The following NRDE2 variants were observed in gnomAD, a reference collection of about 807,000 sequenced individuals.
The protein encoded by NRDE2 is NRDE-2, necessary for RNA interference, domain containing, also known as nuclear exosome regulator NRDE2.
NRDE2 carries 76 observed loss-of-function variants against 124.2 expected under a neutral mutation model. The ratio of observed to expected loss-of-function variants is 0.61; its 90% CI spans 0.51 to 0.74. The LOEUF (loss-of-function observed/expected upper bound fraction) is 0.74. Ranked by LOEUF, NRDE2 falls within the 30% of genes least tolerant of loss-of-function variation. NRDE2 has a pLI of 0.00. For missense variants in NRDE2, 1,314 were observed against 1,417.3 expected (o/e 0.93, Z 1.17); for synonymous variants, 489 against 528.1 (o/e 0.93, Z 1.01).
chr14:90,278,112 T>C lies in NRDE2; in HGVS notation c.*224A>G, dbSNP rs1448231854. Reference sequence around the variant, plus strand: ...TGGCATGACTCTCTGGCTATGTACATATATACACATATTCACATATATAAT... The same window carrying C: ...TGGCATGACTCTCTGGCTATGTACACATATACACATATTCACATATATAAT... On this transcript the variant is annotated 3_prime_UTR_variant, in exon 14 of 14. Coordinates refer to ENST00000354366, the MANE Select transcript of NRDE2 (RefSeq NM_017970.4). The C allele has an allele frequency of 2.0e-6, 1 of 497,262 alleles. No homozygotes were observed. Among genetic ancestry groups the C allele is most frequent in the Non-Finnish European group, 3.7e-6 (1 of 272,994 alleles). 30.8% of individuals were successfully genotyped at this position (497,262 alleles called of 1,614,324 possible). A position where few individuals can be genotyped will look rare whatever the true frequency, so the allele number is the denominator to read the frequency against.
At chr14:90,295,302 G>A (rs761691690) in intron 8 of NRDE2, among the ~76,000 whole-genome samples, 12 of 151,970 alleles carry the variant, frequency 7.9e-5, no homozygotes, top group African/African-American at 2.2e-4. Context: ...ATATGTATAC[G>A]TAGTATAATA....
intron 1 of NRDE2, among the ~76,000 whole-genome samples, chr14:90,327,611 A>T (rs1885491126): frequency 6.6e-6 from 1 of 152,190 alleles, no homozygotes; most frequent in Admixed American, 6.5e-5. Context: ...TTAAAAATTC[A>T]TGACTTCATA....
At position 90,302,752 on chromosome 14, in the gene NRDE2, G is replaced by A; in HGVS notation, c.1379C>T (p.Pro460Leu). 2 of 1,613,418 alleles carry A rather than the reference G, an allele frequency of 1.2e-6. No individual in the cohort carries two copies. The highest frequency in any genetic ancestry group is 2.2e-5 in the South Asian group (2 of 91,002). The stretch of plus-strand genomic sequence containing the variant: ...GGCCTCTTCCGTGCCAGGCAACGCA[G>A]GGTGAGATAAGATGCTGCCGTCCTT... The part of the protein sequence containing the change: ...AVKDGSILSH[P>L]ALPGTEEAMF... The change falls in exon 6 of 14, where the codon CCT (proline) becomes CTT (leucine). Residue 460 changes from proline (P) to leucine (L), a missense_variant. By Grantham distance (98) the Pro-to-Leu change is moderately conservative. Coordinates refer to ENST00000354366, the MANE Select transcript of NRDE2 (RefSeq NM_017970.4).
rs1891644908 is a variant in NRDE2 at position 90,270,951 on chromosome 14, C to T, written c.*7385G>A. 1 of 152,234 alleles carries T rather than the reference C, an allele frequency of 6.6e-6. No homozygotes were observed. Among genetic ancestry groups the T allele is most frequent in the Non-Finnish European group, 1.5e-5 (1 of 68,048 alleles). 9.4% of individuals were successfully genotyped at this position (152,234 alleles called of 1,614,324 possible). A position where few individuals can be genotyped will look rare whatever the true frequency, so the allele number is the denominator to read the frequency against. ...CAGCACAAGCAGTGCCTTTCCAGGC[C>T]AGCACCTGCCCTGAGCCCACGGATC... On this transcript the variant is annotated 3_prime_UTR_variant, in exon 14 of 14. Transcript: ENST00000354366.
At chr14:90,308,955 C>A (rs1434196285) in intron 4 of NRDE2, among the ~76,000 whole-genome samples, 1 of 152,024 alleles carries the variant, frequency 6.6e-6, no homozygotes, top group African/African-American at 2.4e-5. Context: ...GAGCCAATAA[C>A]CCACAGGCCG....
intron 11 of NRDE2, 32 bp downstream of exon 11, chr14:90,288,185 C>T (rs530990459): frequency 2.3e-5 from 37 of 1,574,490 alleles, no homozygotes; most frequent in South Asian, 4.7e-5. Context: ...TAAACATTTG[C>T]GGGGCACACG....
rs767988067 is a variant in NRDE2, at chr14:90,292,823, C to G, written c.1716G>C (p.Lys572Asn). ...GCCAGATCTGCCACCTGGGCAGAGT[C>G]TTATCTTTTATTTCCTGGTCATCCT... ...PEEDDQEIKD[K>N]TLPRWQIWLA... Residue 572 changes from lysine (K) to asparagine (N), a missense_variant, in exon 9 of 14, where the codon AAG (lysine) becomes AAC (asparagine). By Grantham distance (94) the Lys-to-Asn change is moderately conservative (BLOSUM62 0). Transcript: ENST00000354366. 6.8e-6 allele frequency: 11 copies of G among 1,614,020 alleles called. No homozygotes were observed. In the African/African-American group the frequency reaches 1.3e-4, roughly 20 times the overall value.
chr14:90,330,441 A>G (rs146011431), intron 1 of NRDE2, among the ~76,000 whole-genome samples: 362 of 152,320 alleles, frequency 2.4e-3, no homozygotes, highest in African/African-American at 8.4e-3. Context: ...CAATGAATAG[A>G]CAAACACTGC....
intron 12 of NRDE2, chr14:90,281,079 C>T (rs1352150309): frequency 6.6e-6 from 1 of 152,286 alleles, no homozygotes; most frequent in Non-Finnish European, 1.5e-5. Flanking sequence ...GGCCACTTCC[C>T]TCACACGAAG....
At position 90,308,086 on chromosome 14, in the gene NRDE2, T is replaced by C. The variant is rs552818583; in HGVS notation, c.558-3704A>G. Among the ~76,000 whole-genome samples the C allele has an allele frequency of 6.8e-4, 103 of 152,258 alleles. 2 individuals are homozygous for C. The South Asian group carries it at 0.021, about 30-fold the overall frequency. ...TAAGTCCTTAGAAGAGTGTCTGCCA[T>C]ATAGTAAGGGTTAGATAAGTTTAAA... On this transcript the variant is annotated intron_variant, in intron 4 of 13. Transcript: ENST00000354366.
intron 12 of NRDE2, among the ~76,000 whole-genome samples, chr14:90,284,207 C>G (rs534520760): frequency 6.6e-6 from 1 of 152,246 alleles, no homozygotes; most frequent in South Asian, 2.1e-4. Flanking sequence ...GGGGGCCCAA[C>G]AGATACGGAT....
At chr14:90,284,223 C>G (rs1451719852) in intron 12 of NRDE2, among the ~76,000 whole-genome samples, 1 of 152,132 alleles carries the variant, frequency 6.6e-6, no homozygotes, top group Non-Finnish European at 1.5e-5. Flanking sequence ...CGGATACTCG[C>G]TCTGTATCTC....
intron 12 of NRDE2, among the ~76,000 whole-genome samples, chr14:90,282,576 A>C (rs1445947928): frequency 1.3e-5 from 2 of 152,194 alleles, no homozygotes; most frequent in African/African-American, 4.8e-5. Flanking sequence ...TTAACCTGCT[A>C]AATTCCAACA....
chr14:90,324,356 T>C (rs1885343024), intron 1 of NRDE2, among the ~76,000 whole-genome samples: 1 of 152,076 alleles, frequency 6.6e-6, no homozygotes, highest in Non-Finnish European at 1.5e-5. Flanking sequence ...ATTTGAAAGA[T>C]GAGCAGCAAA....
intron 1 of NRDE2, among the ~76,000 whole-genome samples, chr14:90,327,251 T>A (rs1014361313): frequency 1.3e-5 from 2 of 152,168 alleles, no homozygotes; most frequent in African/African-American, 4.8e-5. Flanking sequence ...AGCTATTAAA[T>A]AAAGATGATT....
At chr14:90,287,966 A>G (rs1310242754) in intron 11 of NRDE2, among the ~76,000 whole-genome samples, 1 of 152,116 alleles carries the variant, frequency 6.6e-6, no homozygotes, top group Non-Finnish European at 1.5e-5. Flanking sequence ...ATGCACACAG[A>G]AACAACATTC....
intron 4 of NRDE2, among the ~76,000 whole-genome samples, chr14:90,309,472 C>CA (rs746289824): frequency 0.83 from 92,009 of 110,724 alleles, 38,964 homozygotes; most frequent in Non-Finnish European, 0.9. Context: ...GACTCTGTCT[C>CA]AAAAAAAAAA....
chr14:90,308,064 G>A (rs965755207), intron 4 of NRDE2, among the ~76,000 whole-genome samples: 18 of 152,274 alleles, frequency 1.2e-4, no homozygotes, highest in African/African-American at 4.3e-4. Flanking sequence ...GTTTACATAA[G>A]TCCTTAGAAG....
intron 8 of NRDE2, 121 bp from the exon 9 acceptor site, chr14:90,292,993 C>T: frequency 1.2e-6 from 1 of 838,088 alleles, no homozygotes; most frequent in South Asian, 1.6e-5. Context: ...AGAGCCATGC[C>T]AGTCTCCCAG....
Sources: gnomAD v4.1 joint callset for allele counts (sites outside exome capture counted in the v4.1 genomes callset) on GRCh38, gnomAD v4.1.1 for gene constraint, MANE v1.5 for transcripts, NCBI Gene and HGNC (gene_info 2026-07-23, HGNC 2026-07-21) for gene names.